CCDC196: variants seen among roughly 807,000 people sequenced by gnomAD.
The protein encoded by CCDC196 is coiled-coil domain-containing protein 196.
chr14:66,497,286 C>T (rs938529681), intron 8 of CCDC196, among the ~76,000 whole-genome samples: 4 of 152,072 alleles, frequency 2.6e-5, no homozygotes, highest in African/African-American at 9.7e-5. Flanking sequence ...TAATACTTCA[C>T]AGAAATTCAG....
At chr14:66,490,974 T>C (rs1398764412) in intron 5 of CCDC196, 47 bp from the exon 6 acceptor site, 1 of 413,438 alleles carries the variant, frequency 2.4e-6, no homozygotes. Flanking sequence ...ACATTGCACT[T>C]CTTTCCTAGG....
chr14:66,491,814 A>G (rs2057544076), intron 7 of CCDC196, 129 bp downstream of exon 7: 1 of 411,898 alleles, frequency 2.4e-6, no homozygotes. Context: ...AAACAAATGT[A>G]TCATAGAAAG....
intron 2 of CCDC196, among the ~76,000 whole-genome samples, chr14:66,487,406 C>T (rs751628322): frequency 2.2e-4 from 33 of 152,200 alleles, no homozygotes; most frequent in Admixed American, 4.6e-4. Context: ...GAGAACAAAA[C>T]GCAGGCAGAA....
At chr14:66,489,626 G>C (rs568706731) in intron 4 of CCDC196, among the ~76,000 whole-genome samples, 3 of 152,016 alleles carry the variant, frequency 2.0e-5, no homozygotes, top group Admixed American at 2.0e-4. Context: ...TTGTTTCCCT[G>C]CCTCCTCCTG....
At chr14:66,487,845 C>T (rs1447662607) in intron 2 of CCDC196, among the ~76,000 whole-genome samples, 1 of 152,130 alleles carries the variant, frequency 6.6e-6, no homozygotes, top group Non-Finnish European at 1.5e-5. Context: ...AGAATTACCC[C>T]TTCTTCTCCC....
intron 8 of CCDC196, among the ~76,000 whole-genome samples, chr14:66,492,631 C>T (rs1279936283): frequency 8.5e-5 from 13 of 152,234 alleles, no homozygotes; most frequent in African/African-American, 2.2e-4. Context: ...TGAGCCACCA[C>T]GCCCGGCCTA....
At chr14:66,497,650 T>C (rs1264831639) in intron 8 of CCDC196, among the ~76,000 whole-genome samples, 1 of 152,160 alleles carries the variant, frequency 6.6e-6, no homozygotes, top group East Asian at 1.9e-4. Flanking sequence ...ATCGGTTGTA[T>C]TTAGCACCCT....
intron 8 of CCDC196, among the ~76,000 whole-genome samples, chr14:66,496,007 CA>C (rs2139613177): frequency 6.6e-6 from 1 of 152,246 alleles, no homozygotes; most frequent in Admixed American, 6.5e-5. Flanking sequence ...TCCCTTCCAC[CA>C]CAGATAAATC....
chr14:66,491,527 C>A (rs376271664), intron 6 of CCDC196, 99 bp from the exon 7 acceptor site: 1 of 412,074 alleles, frequency 2.4e-6, no homozygotes, highest in Non-Finnish European at 4.4e-6. Context: ...AGTAAATCTG[C>A]GACACTATAA....
At chr14:66,490,926 T>C (rs1171887516) in intron 5 of CCDC196, 95 bp from the exon 6 acceptor site, 3 of 412,226 alleles carry the variant, frequency 7.3e-6, no homozygotes, top group African/African-American at 2.1e-5. Context: ...AGGTAGGATC[T>C]GGGTTTTTAG....
At chr14:66,496,251 G>C (rs981103188) in intron 8 of CCDC196, 1 of 456,258 alleles carries the variant, frequency 2.2e-6, no homozygotes, top group South Asian at 1.5e-5. Flanking sequence ...CCAAGTAGAT[G>C]AAGAGTTTAC....
chr14:66,490,375 T>G (rs1286795709), intron 4 of CCDC196, among the ~76,000 whole-genome samples: 1 of 152,162 alleles, frequency 6.6e-6, no homozygotes, highest in Non-Finnish European at 1.5e-5. Flanking sequence ...AAATAACCTC[T>G]CCAAGTCTCA....
chr14:66,489,160 T>A (rs1309190535), intron 4 of CCDC196, 123 bp downstream of exon 4: 1 of 408,990 alleles, frequency 2.4e-6, no homozygotes, highest in Non-Finnish European at 4.5e-6. Context: ...CTCATTCCAA[T>A]CCATTCTCTA....
intron 4 of CCDC196, 37 bp from the exon 5 acceptor site, chr14:66,490,705 C>A: frequency 2.5e-6 from 1 of 398,992 alleles, no homozygotes; most frequent in Non-Finnish European, 4.4e-6. Context: ...CTTTAATTTC[C>A]ACTACTTTAA....
intron 3 of CCDC196, among the ~76,000 whole-genome samples, chr14:66,488,493 G>A (rs562136262): frequency 6.6e-6 from 1 of 151,896 alleles, no homozygotes; most frequent in East Asian, 1.9e-4. Context: ...TTTTATCTAG[G>A]GAATTAATGA....
chr14:66,496,236 C>T (rs1238791057), intron 8 of CCDC196: 1 of 456,030 alleles, frequency 2.2e-6, no homozygotes, highest in East Asian at 6.9e-5. Context: ...CTGTTCTAAG[C>T]ATTTCCAAGT....
At chr14:66,488,442 G>A (rs1234919324) in intron 3 of CCDC196, among the ~76,000 whole-genome samples, 186 bp downstream of exon 3, 4 of 152,046 alleles carry the variant, frequency 2.6e-5, no homozygotes, top group East Asian at 1.9e-4. Context: ...GGAAGAACAC[G>A]ACTAGCAAGC....
rs538394067 is a variant in CCDC196 at position 66,491,975 on chromosome 14, G to C, written c.574-78G>C. 1.2e-5 allele frequency: 5 copies of C among 410,046 alleles called. No individual in the cohort carries two copies. The East Asian group carries it at 1.8e-4, about 15-fold the overall frequency. The allele number at this position is 410,046 out of a possible 1,614,324, so 25.4% of individuals were successfully genotyped here. The stretch of plus-strand genomic sequence containing the variant: ...TGATGGAATTACTTTTTAACTTCTG[G>C]GTAAAGAGGATTCAGGTAACAATGG... On this transcript the variant is annotated intron_variant, in intron 7 of 9. Coordinates refer to ENST00000636229, the MANE Select transcript of CCDC196 (RefSeq NM_001351576.1).
At chr14:66,494,263 T>G (rs1406854652) in intron 8 of CCDC196, among the ~76,000 whole-genome samples, 1 of 152,216 alleles carries the variant, frequency 6.6e-6, no homozygotes, top group East Asian at 1.9e-4. Context: ...TTCTAACACA[T>G]GTATTCAAAC....
Sources: allele counts gnomAD v4.1 joint callset (sites outside exome capture counted in the v4.1 genomes callset), GRCh38; gene constraint gnomAD v4.1.1; transcripts MANE v1.5; gene names NCBI Gene and HGNC (gene_info 2026-07-23, HGNC 2026-07-21).